Variants in FBXL18 observed in about 807,000 individuals in gnomAD.
The protein encoded by FBXL18 is F-box/LRR-repeat protein 18.
A neutral mutation model predicts 46.0 loss-of-function variants in FBXL18; 36 were observed. That is an observed-to-expected ratio of 0.78 (90% confidence interval 0.60 to 1.03). The LOEUF is 1.03. Among genes scored for constraint, FBXL18 ranks in the 50% least tolerant of loss-of-function variants. The pLI is 0.00. For synonymous variants in FBXL18, 557 were observed against 465.3 expected (o/e 1.20, Z -2.54); for missense variants, 977 against 1,004.1 (o/e 0.97, Z 0.36).
chr7:5,498,118 T>C (rs1489432708), intron 3 of FBXL18, among the ~76,000 whole-genome samples: 15 of 150,238 alleles, frequency 1.0e-4, no homozygotes, highest in African/African-American at 3.4e-4. Context: ...TCTCACTCTG[T>C]CACCCATGCT....
At chr7:5,492,874 G>A (rs746104810) in intron 3 of FBXL18, among the ~76,000 whole-genome samples, 3 of 152,068 alleles carry the variant, frequency 2.0e-5, no homozygotes, top group Non-Finnish European at 2.9e-5. Flanking sequence ...GCCTGATTTG[G>A]GGCCTCTGGG....
At chr7:5,463,854 C>G (rs573182745) in intron 4 of FBXL18, among the ~76,000 whole-genome samples, 1 of 150,598 alleles carries the variant, frequency 6.6e-6, no homozygotes, top group Admixed American at 6.7e-5. Context: ...GATTCTCCTG[C>G]CTCAGCTTCC....
intron 3 of FBXL18, among the ~76,000 whole-genome samples, chr7:5,497,796 CGCA>C (rs1340017556): frequency 6.6e-6 from 1 of 152,204 alleles, no homozygotes; most frequent in Non-Finnish European, 1.5e-5. Context: ...AGGCTGCAAT[CGCA>C]GCAGATTATG....
chr7:5,467,483 T>A (rs1584186606), intron 4 of FBXL18, among the ~76,000 whole-genome samples: 1 of 149,288 alleles, frequency 6.7e-6, no homozygotes, highest in Non-Finnish European at 1.5e-5. Flanking sequence ...GAGGCGGAGG[T>A]TGCAGTGAGC....
intron 3 of FBXL18, among the ~76,000 whole-genome samples, chr7:5,499,471 G>A (rs1243956511): frequency 6.6e-6 from 1 of 152,198 alleles, no homozygotes; most frequent in African/African-American, 2.4e-5. Flanking sequence ...CTTATGCCTT[G>A]TAATCCCAGA....
At position 5,479,312 on chromosome 7, in the gene FBXL18, T is replaced by A. The variant is rs1158541390; in HGVS notation, c.*2463A>T. On this transcript the variant is annotated 3_prime_UTR_variant, in exon 5 of 5. Coordinates refer to ENST00000382368, the MANE Select transcript of FBXL18 (RefSeq NM_024963.6). The stretch of plus-strand genomic sequence containing the variant: ...CGATCGTACACACGCTAGGATGCAT[T>A]CCTGGAGCAGACGCAATTCTCTAGC... 1 of 152,212 alleles carries A rather than the reference T, an allele frequency of 6.6e-6. No individual in the cohort carries two copies. The highest frequency in any genetic ancestry group is 1.5e-5 in the Non-Finnish European group (1 of 68,078). 9.4% of individuals were successfully genotyped at this position (152,212 alleles called of 1,614,324 possible).
rs1421393647 is a variant in FBXL18, at chr7:5,500,723, C to T, written c.1546G>A (p.Ala516Thr). Residue 516 changes from alanine to threonine, a missense_variant, in exon 3 of 5, where the codon GCA becomes ACA. Ala to Thr is a moderately conservative substitution (Grantham distance 58, BLOSUM62 0). Coordinates refer to ENST00000382368, the MANE Select transcript of FBXL18 (RefSeq NM_024963.6). Reference sequence around the variant, plus strand: ...ACCTCCGAGTCCCCGACACTCTGTGCGCGGCTGCAGGGTGGGAGCGAGTTG... The same window carrying T: ...ACCTCCGAGTCCCCGACACTCTGTGTGCGGCTGCAGGGTGGGAGCGAGTTG... Reference protein sequence around the residue: ...IRNSLPPCSRAQSVGDSEVAA... With the variant: ...IRNSLPPCSRTQSVGDSEVAA... 4 of 1,611,914 alleles carry T rather than the reference C, an allele frequency of 2.5e-6. No individual in the cohort carries two copies. The highest frequency in any genetic ancestry group is 2.2e-5 in the South Asian group (2 of 90,976).
At position 5,481,925 on chromosome 7, in the gene FBXL18, C is replaced by G. The variant is rs776539922; in HGVS notation, c.2007G>C (p.Gln669His). 38 of 1,603,754 alleles carry G rather than the reference C, an allele frequency of 2.4e-5. No homozygotes were observed. The highest frequency in any genetic ancestry group is 3.2e-5 in the Non-Finnish European group (37 of 1,174,108). ...SLQQSLLRSF[Q>H]AERPALNVVI... Reference sequence around the variant, plus strand: ...CGACGTTTAACGCGGGCCGCTCGGCCTGGAAGCTGAACCAGAGACAGGCGG... The same window carrying G: ...CGACGTTTAACGCGGGCCGCTCGGCGTGGAAGCTGAACCAGAGACAGGCGG... Residue 669 changes from glutamine (Q) to histidine (H), a missense_variant, in exon 5 of 5, where the codon CAG (glutamine) becomes CAC (histidine). By Grantham distance (24) the Gln-to-His change is conservative. Transcript: ENST00000382368.
At chr7:5,470,138 C>T (rs1339454629) in intron 4 of FBXL18, among the ~76,000 whole-genome samples, 13 of 152,080 alleles carry the variant, frequency 8.5e-5, no homozygotes, top group Non-Finnish European at 1.8e-4. Context: ...AGATCAGCCT[C>T]GGGCAGTGAC....
In FBXL18 at chr7:5,479,936, G is replaced by C. The variant is rs368649776; in HGVS notation, c.*1839C>G. ...AAACCCCAGATCCACCTGTGCCAGT[G>C]AGCAGAGGCGCCAGGGTGGGGTCAA... On this transcript the variant is annotated 3_prime_UTR_variant, in exon 5 of 5. Coordinates refer to ENST00000382368, the MANE Select transcript of FBXL18 (RefSeq NM_024963.6). 6.6e-6 allele frequency: 1 copy of C among 152,478 alleles called. No individual in the cohort carries two copies. Among genetic ancestry groups the C allele is most frequent in the Non-Finnish European group, 1.5e-5 (1 of 68,228 alleles). 9.4% of individuals were successfully genotyped at this position (152,478 alleles called of 1,614,324 possible).
chr7:5,500,865 G>A lies in FBXL18; in HGVS notation c.1404C>T (p.Cys468=), dbSNP rs528347908. The A allele has an allele frequency of 1.3e-5, 21 of 1,602,804 alleles. No individual in the cohort carries two copies. The East Asian group carries it at 2.5e-4, about 19-fold the overall frequency. ...ACCAGAACACGGAGGAGGGCTGGGGGCACGCCTGGCCCGAGAAGGGGCTGG... is the reference window on the plus strand; with the variant it reads ...ACCAGAACACGGAGGAGGGCTGGGGACACGCCTGGCCCGAGAAGGGGCTGG... ...SCPSPFSGQA[C]PQPSSVFWSL... Residue 468 remains cysteine (C), a synonymous_variant, in exon 3 of 5, where the codon TGC becomes TGT. Transcript: ENST00000382368.
intron 1 of FBXL18, among the ~76,000 whole-genome samples, chr7:5,509,231 A>G (rs1490774893): frequency 6.7e-6 from 1 of 150,374 alleles, no homozygotes; most frequent in Non-Finnish European, 1.5e-5. Flanking sequence ...TATAGATTCC[A>G]CAGTTACACG....
chr7:5,499,815 T>C (rs1784184221), intron 3 of FBXL18, among the ~76,000 whole-genome samples: 1 of 150,692 alleles, frequency 6.6e-6, no homozygotes, highest in Non-Finnish European at 1.5e-5. Flanking sequence ...GCACCAGCAC[T>C]TTGGGAGGCC....
chr7:5,511,649 TC>T (rs1784536312), intron 1 of FBXL18, among the ~76,000 whole-genome samples: 1 of 149,020 alleles, frequency 6.7e-6, no homozygotes, highest in Non-Finnish European at 1.5e-5. Flanking sequence ...GCGCCTGTAG[TC>T]CCAGCTACTT....
intron 2 of FBXL18, among the ~76,000 whole-genome samples, chr7:5,503,245 G>C (rs1018478120): frequency 3.9e-5 from 6 of 152,218 alleles, no homozygotes; most frequent in Non-Finnish European, 7.3e-5. Context: ...TTAGCCAGGC[G>C]TAGTGGCGCA....
chr7:5,460,903 A>G (rs1017357714), intron 4 of FBXL18, among the ~76,000 whole-genome samples: 1 of 151,916 alleles, frequency 6.6e-6, no homozygotes, highest in Non-Finnish European at 1.5e-5. Context: ...TTCATCCCTC[A>G]CCATATTTTT....
At chr7:5,504,361 C>G (rs1669050685) in intron 2 of FBXL18, among the ~76,000 whole-genome samples, 1 of 150,206 alleles carries the variant, frequency 6.7e-6, no homozygotes, top group Admixed American at 6.6e-5. Flanking sequence ...ATCTGGGAGA[C>G]AGAAGTTGCA....
chr7:5,496,855 G>A lies in FBXL18; in HGVS notation c.1781+3633C>T, dbSNP rs866763002. Among the ~76,000 whole-genome samples, 39 of 151,846 alleles carry A rather than the reference G, an allele frequency of 2.6e-4. No homozygotes were observed. The highest frequency in any genetic ancestry group is 9.2e-4 in the African/African-American group (38 of 41,338). ...AGCCTGGCCAACATGGTGAAACCCCGTCTCTACTAAAAATACAAAAAAAAA... is the reference window on the plus strand; with the variant it reads ...AGCCTGGCCAACATGGTGAAACCCCATCTCTACTAAAAATACAAAAAAAAA... On this transcript the variant is annotated intron_variant, in intron 3 of 4. Transcript: ENST00000382368. This position sits in a 1 kb window ranked among gnomAD's most constrained non-coding sequence, Gnocchi z 4.8.
chr7:5,485,513 T>A lies in FBXL18; in HGVS notation c.2001-3582A>T, dbSNP rs557823587. ...TTACCCATCAGATGTGCAAAAAAAA[T>A]AAATAAATAAAAAAGGGAGGCCAGG... On this transcript the variant is annotated intron_variant, in intron 4 of 4. Transcript: ENST00000382368. Among the ~76,000 whole-genome samples, 495 of 151,848 alleles carry A rather than the reference T, an allele frequency of 3.3e-3. 2 individuals carry two copies. The highest frequency in any genetic ancestry group is 0.011 in the African/African-American group (472 of 41,432).
Sources: allele counts gnomAD v4.1 joint callset (sites outside exome capture counted in the v4.1 genomes callset), GRCh38; gene constraint gnomAD v4.1.1; non-coding constraint Gnocchi (gnomAD v3.1); transcripts MANE v1.5; gene names NCBI Gene and HGNC (gene_info 2026-07-23, HGNC 2026-07-21).